Variants in MYH7B observed in about 807,000 individuals in gnomAD.
The protein encoded by MYH7B is myosin-7B.
In MYH7B, 205 loss-of-function variants were observed where a neutral mutation model predicts 234.5. That is an observed-to-expected ratio of 0.87 (90% CI 0.78 to 0.98). The LOEUF (loss-of-function observed/expected upper bound fraction) is 0.98, where lower values mean the gene tolerates loss of function less well. Among genes scored for constraint, MYH7B ranks in the 50% least tolerant of loss-of-function variants. The pLI is 0.00. For missense variants in MYH7B, 2,652 were observed against 2,633.4 expected (o/e 1.01, Z -0.15); for synonymous variants, 1,193 against 1,105.0 (o/e 1.08, Z -1.58).
intron 35 of MYH7B, 49 bp from the exon 36 acceptor site, chr20:34,999,007 T>C: frequency 1.3e-6 from 2 of 1,582,606 alleles, no homozygotes; most frequent in Non-Finnish European, 1.7e-6. Context: ...CTGCTGGGGC[T>C]GTTCTCCCTC....
chr20:34,983,750 T>C (rs1389683673), intron 10 of MYH7B, among the ~76,000 whole-genome samples: 1 of 152,160 alleles, frequency 6.6e-6, no homozygotes, highest in Non-Finnish European at 1.5e-5. Flanking sequence ...GGGAGTGTAT[T>C]GGGGGGTTCC....
exon 36 of MYH7B, chr20:34,999,218 G>T: frequency 6.2e-7 from 1 of 1,611,754 alleles, no homozygotes; most frequent in Non-Finnish European, 8.5e-7. Flanking sequence ...CGCTGGACAA[G>T]AAGCAGCGGC....
chr20:34,999,781 G>C lies in MYH7B; in HGVS notation c.4666-10G>C. 8.1e-7 allele frequency: 1 copy of C among 1,238,236 alleles called. No homozygotes were observed. The highest frequency in any genetic ancestry group is 1.1e-6 in the Non-Finnish European group (1 of 901,338). 76.7% of individuals were successfully genotyped at this position (1,238,236 alleles called of 1,614,324 possible). On this transcript the variant is annotated splice_polypyrimidine_tract_variant and intron_variant, in intron 37 of 44. Transcript: ENST00000262873. ...CCCCCCACCCTACCCTGCCTGCTCTGTATCCACAGGGGGCCCTGGAGCTGG... is the reference window on the plus strand; with the variant it reads ...CCCCCCACCCTACCCTGCCTGCTCTCTATCCACAGGGGGCCCTGGAGCTGG...
rs745353070 is a variant in MYH7B at position 34,998,642 on chromosome 20, C to T, written c.3993+13C>T. 2.7e-5 allele frequency: 44 copies of T among 1,612,696 alleles called. No individual in the cohort carries two copies. The highest frequency in any genetic ancestry group is 6.7e-5 in the African/African-American group (5 of 74,958). ...GGAGGAAAGCAAGGTGGGCTGGCAC[C>T]GGTGACCATGGAGTGGGCAGGTGGG... On this transcript the variant is annotated intron_variant, in intron 34 of 44. Coordinates refer to ENST00000262873, the Ensembl canonical transcript of MYH7B.
chr20:34,979,510 T>A lies in MYH7B; in HGVS notation c.198+14T>A. The A allele has an allele frequency of 6.2e-7, 1 of 1,607,296 alleles. No individual in the cohort carries two copies. Among genetic ancestry groups the A allele is most frequent in the East Asian group, 2.2e-5 (1 of 44,772 alleles). On this transcript the variant is annotated intron_variant, in intron 6 of 44. Transcript: ENST00000262873. ...AAAGACCAGAAGGTTCCGTTCCCCC[T>A]TTCCTGAGATTAGCCTCTCTGTCCC... is the stretch of plus-strand genomic sequence containing the variant.
At chr20:34,968,354 G>A (rs944002926) in intron 2 of MYH7B, among the ~76,000 whole-genome samples, 1 of 152,202 alleles carries the variant, frequency 6.6e-6, no homozygotes, top group African/African-American at 2.4e-5. Flanking sequence ...GCACAGGCTA[G>A]GCTCTCTGCA....
At chr20:34,993,158 A>G in exon 25 of MYH7B, 2 of 1,614,022 alleles carry the variant, frequency 1.2e-6, no homozygotes, top group Non-Finnish European at 1.7e-6. Flanking sequence ...GACAGCAGGA[A>G]GGCCACAGAG....
exon 31 of MYH7B, chr20:34,997,158 G>C: frequency 6.5e-7 from 1 of 1,549,854 alleles, no homozygotes. Flanking sequence ...TGCAGAAGAA[G>C]ATCAAGGAGC....
chr20:34,988,370 G>A (rs142875712), intron 19 of MYH7B, 108 bp downstream of exon 19: 34 of 1,261,146 alleles, frequency 2.7e-5, no homozygotes, highest in Admixed American at 7.1e-5. Context: ...GCATGGAAGC[G>A]TGTGACTGTG....
exon 5 of MYH7B, chr20:34,977,946 T>C: frequency 9.3e-6 from 15 of 1,613,778 alleles, no homozygotes; most frequent in Non-Finnish European, 1.3e-5. Flanking sequence ...CCTGCTGCCT[T>C]GGGCCGCCTT....
exon 44 of MYH7B, chr20:35,002,014 G>C: frequency 1.2e-6 from 2 of 1,614,100 alleles, no homozygotes; most frequent in Non-Finnish European, 1.7e-6. Flanking sequence ...TGATGCGGAG[G>C]AGCGGGCAGA....
intron 7 of MYH7B, chr20:34,980,007 G>T: frequency 1.6e-6 from 1 of 616,850 alleles, no homozygotes; most frequent in Non-Finnish European, 2.8e-6. Flanking sequence ...GGGGCTGGAG[G>T]TTGGGCCTTG....
chr20:34,994,657 C>T (rs1029907271), intron 27 of MYH7B, among the ~76,000 whole-genome samples: 3 of 152,230 alleles, frequency 2.0e-5, no homozygotes, highest in African/African-American at 4.8e-5. Flanking sequence ...TCTCCCCTCC[C>T]TGCAATCCCT....
chr20:34,970,216 T>A (rs2081779969), intron 2 of MYH7B, among the ~76,000 whole-genome samples: 1 of 152,168 alleles, frequency 6.6e-6, no homozygotes, highest in Non-Finnish European at 1.5e-5. Context: ...ACTTACCACG[T>A]ACCAGGCTGA....
chr20:34,985,969 C>A, intron 13 of MYH7B, 131 bp from the exon 14 acceptor site: 1 of 734,030 alleles, frequency 1.4e-6, no homozygotes, highest in South Asian at 1.7e-5. Context: ...ACCCTCCCCA[C>A]ACAAGCTGGC....
chr20:34,990,387 T>C (rs1226926107), intron 22 of MYH7B, 77 bp downstream of exon 22: 10 of 1,515,264 alleles, frequency 6.6e-6, no homozygotes, highest in Non-Finnish European at 9.2e-6. Flanking sequence ...CCCTGTCCCC[T>C]GTGCCTTGGG....
intron 27 of MYH7B, among the ~76,000 whole-genome samples, chr20:34,994,972 C>G (rs567788858): frequency 3.9e-5 from 6 of 152,228 alleles, no homozygotes; most frequent in Admixed American, 3.9e-4. Context: ...TACCTGAGCC[C>G]TTCCAGGGAC....
intron 7 of MYH7B, 142 bp downstream of exon 7, chr20:34,979,946 T>G: frequency 1.3e-6 from 1 of 781,920 alleles, no homozygotes; most frequent in Non-Finnish European, 1.8e-6. Flanking sequence ...AGCGGGTCCA[T>G]AGCGGGGGTG....
exon 36 of MYH7B, chr20:34,999,384 C>T (rs754734572): frequency 7.9e-6 from 12 of 1,523,356 alleles, no homozygotes; most frequent in East Asian, 2.3e-5. Context: ...GACGCTCAAG[C>T]GGGAGAACAA....
Sources: gnomAD v4.1 joint callset for allele counts (sites outside exome capture counted in the v4.1 genomes callset) on GRCh38, gnomAD v4.1.1 for gene constraint, MANE v1.5 for transcripts, NCBI Gene and HGNC (gene_info 2026-07-23, HGNC 2026-07-21) for gene names.